Variants in HIBADH observed in about 807,000 individuals in gnomAD.
HIBADH encodes 3-hydroxyisobutyrate dehydrogenase, mitochondrial.
HIBADH carries 25 observed loss-of-function variants against 36.1 expected under a neutral mutation model. The observed-to-expected ratio is 0.69, with a 90% CI of 0.50 to 0.97. The LOEUF (loss-of-function observed/expected upper bound fraction) is 0.97, where lower values mean the gene tolerates loss of function less well. HIBADH is among the 50% of genes least tolerant of loss of function. The pLI, the probability that HIBADH is intolerant of heterozygous loss-of-function variation, is 0.00. For synonymous variants in HIBADH, 160 were observed against 149.5 expected (o/e 1.07, Z -0.51); for missense variants, 421 against 418.0 (o/e 1.01, Z -0.06).
intron 4 of HIBADH, among the ~76,000 whole-genome samples, chr7:27,584,491 T>C (rs1018499094): frequency 6.6e-6 from 1 of 152,108 alleles, no homozygotes; most frequent in African/African-American, 2.4e-5. Context: ...AGTTTTATCA[T>C]TGGTTACAAA....
intron 4 of HIBADH, among the ~76,000 whole-genome samples, chr7:27,564,392 T>C (rs1784510897): frequency 6.6e-6 from 1 of 152,214 alleles, no homozygotes; most frequent in Non-Finnish European, 1.5e-5. Context: ...CTTTTTTTCT[T>C]AATATATGTA....
In HIBADH at chr7:27,649,652, T is replaced by C. The variant is rs1458376607; in HGVS notation, c.92-19A>G. 2.3e-5 allele frequency: 35 copies of C among 1,550,274 alleles called. No homozygotes were observed. The highest frequency in any genetic ancestry group is 2.9e-5 in the Non-Finnish European group (33 of 1,144,668). Reference sequence around the variant, plus strand: ...GAACACACTGATTTCAATACATTATTTTCAATAGGGGCAAATAACATTTTT... The same window carrying C: ...GAACACACTGATTTCAATACATTATCTTCAATAGGGGCAAATAACATTTTT... On this transcript the variant is annotated intron_variant, in intron 1 of 7. Transcript: ENST00000265395.
chr7:27,553,151 C>A (rs538133383), intron 4 of HIBADH, among the ~76,000 whole-genome samples: 3 of 152,274 alleles, frequency 2.0e-5, no homozygotes, highest in African/African-American at 4.8e-5. Flanking sequence ...AGCTGAGATT[C>A]TTCAAAATAG....
intron 1 of HIBADH, among the ~76,000 whole-genome samples, chr7:27,656,734 T>A (rs1388067020): frequency 6.6e-6 from 1 of 152,234 alleles, no homozygotes; most frequent in Non-Finnish European, 1.5e-5. Flanking sequence ...GTAACTTTTG[T>A]AACTACTTTT....
chr7:27,620,470 G>A (rs1785518523), intron 4 of HIBADH, among the ~76,000 whole-genome samples: 1 of 151,508 alleles, frequency 6.6e-6, no homozygotes, highest in Admixed American at 6.6e-5. Flanking sequence ...AGTGCTGACA[G>A]GAAAAACAAC....
chr7:27,573,290 C>T (rs1431848822), intron 4 of HIBADH, among the ~76,000 whole-genome samples: 1 of 152,202 alleles, frequency 6.6e-6, no homozygotes, highest in Non-Finnish European at 1.5e-5. Flanking sequence ...ACATGGATTA[C>T]TTCTTCAGGA....
At chr7:27,568,615 G>T (rs1031777111) in intron 4 of HIBADH, among the ~76,000 whole-genome samples, 1 of 151,938 alleles carries the variant, frequency 6.6e-6, no homozygotes, top group Non-Finnish European at 1.5e-5. Context: ...CTGCCACCAG[G>T]CCCAGCTAAT....
chr7:27,573,110 A>G (rs1443949405), intron 4 of HIBADH, among the ~76,000 whole-genome samples: 1 of 152,228 alleles, frequency 6.6e-6, no homozygotes, highest in African/African-American at 2.4e-5. Context: ...AGGCGAAAAA[A>G]GTAGGGAATT....
At chr7:27,590,824 T>C (rs878909222) in intron 4 of HIBADH, among the ~76,000 whole-genome samples, 1 of 152,222 alleles carries the variant, frequency 6.6e-6, no homozygotes, top group Admixed American at 6.5e-5. Context: ...AAGCACTTTC[T>C]TATACCATTT....
intron 1 of HIBADH, among the ~76,000 whole-genome samples, chr7:27,651,760 A>G (rs1252625218): frequency 6.6e-6 from 1 of 152,226 alleles, no homozygotes; most frequent in Non-Finnish European, 1.5e-5. Context: ...AGAAGGTAAG[A>G]GACACAGTCC....
chr7:27,553,952 G>A (rs757302477), intron 4 of HIBADH, among the ~76,000 whole-genome samples: 1 of 152,122 alleles, frequency 6.6e-6, no homozygotes, highest in African/African-American at 2.4e-5. Flanking sequence ...GCATTCAAGC[G>A]ATTCTCCTGC....
At chr7:27,552,284 TG>T (rs1297250192) in intron 4 of HIBADH, among the ~76,000 whole-genome samples, 1 of 152,176 alleles carries the variant, frequency 6.6e-6, no homozygotes, top group Non-Finnish European at 1.5e-5. Context: ...AGGGGTGATC[TG>T]GTTTAACATA....
At chr7:27,649,719 AT>A (rs879263925) in intron 1 of HIBADH, 86 bp from the exon 2 acceptor site, 69,726 of 949,150 alleles carry the variant, frequency 0.073, no homozygotes, top group East Asian at 0.097. Context: ...CAATTGTTAG[AT>A]TTTTTTTTTT....
chr7:27,617,736 C>T (rs555887584), intron 4 of HIBADH, among the ~76,000 whole-genome samples: 2 of 152,192 alleles, frequency 1.3e-5, no homozygotes, highest in Non-Finnish European at 1.5e-5. Flanking sequence ...TGGACTGTTG[C>T]GATATGAACC....
chr7:27,526,331 G>C lies in HIBADH; in HGVS notation c.894C>G (p.Ser298Arg). The C allele has an allele frequency of 1.2e-6, 2 of 1,613,142 alleles. No individual in the cohort carries two copies. The highest frequency in any genetic ancestry group is 2.2e-5 in the South Asian group (2 of 90,810). The change falls in exon 8 of 8, where the codon AGC becomes AGG. Residue 298 changes from serine (S) to arginine (R), a missense_variant. Physicochemically the swap from Ser to Arg is moderately radical, Grantham distance 110. Coordinates refer to ENST00000265395, the MANE Select transcript of HIBADH (RefSeq NM_152740.4). ...LAQDSATSTK[S>R]PILLGSLAHQ... ...GGGCCAGACTGCCAAGAAGGATTGGGCTCTTTGTGCTGGTAGCAGAGTCTT... is the reference window on the plus strand; with the variant it reads ...GGGCCAGACTGCCAAGAAGGATTGGCCTCTTTGTGCTGGTAGCAGAGTCTT...
At position 27,536,960 on chromosome 7, in the gene HIBADH, C is replaced by A. The variant is rs182466074; in HGVS notation, c.695+1381G>T. Among the ~76,000 whole-genome samples, 23 of 152,226 alleles carry A rather than the reference C, an allele frequency of 1.5e-4. No individual in the cohort carries two copies. The South Asian group carries it at 1.9e-3, about 12-fold the overall frequency. On this transcript the variant is annotated intron_variant, in intron 6 of 7. Coordinates refer to ENST00000265395, the MANE Select transcript of HIBADH (RefSeq NM_152740.4). ...CTAAACATACATATGCATACCAATC[C>A]TGGTGTCAACACCAATTAATTGTGT... is the stretch of plus-strand genomic sequence containing the variant.
chr7:27,661,465 G>A (rs1786416121), intron 1 of HIBADH, among the ~76,000 whole-genome samples: 1 of 151,732 alleles, frequency 6.6e-6, no homozygotes, highest in African/African-American at 2.4e-5. Flanking sequence ...GCACATGCCT[G>A]TAATCCCAGC....
intron 1 of HIBADH, among the ~76,000 whole-genome samples, chr7:27,654,367 C>A (rs983013111): frequency 7.9e-5 from 12 of 152,024 alleles, no homozygotes; most frequent in Admixed American, 3.3e-4. Context: ...AAACTACAAA[C>A]CCCATGCATC....
chr7:27,608,188 CTT>C (rs1785263854), intron 4 of HIBADH, among the ~76,000 whole-genome samples: 1 of 152,156 alleles, frequency 6.6e-6, no homozygotes, highest in Non-Finnish European at 1.5e-5. Flanking sequence ...TCTTAGTACT[CTT>C]TTAAAAGAAA....
Sources: allele counts gnomAD v4.1 joint callset (sites outside exome capture counted in the v4.1 genomes callset), GRCh38; gene constraint gnomAD v4.1.1; transcripts MANE v1.5; gene names NCBI Gene and HGNC (gene_info 2026-07-23, HGNC 2026-07-21).